The following GPC6 variants were observed in gnomAD, a reference collection of about 807,000 sequenced individuals.
GPC6 encodes the protein glypican-6.
In GPC6, 14 loss-of-function variants were observed where a neutral mutation model predicts 55.2. The ratio of observed to expected loss-of-function variants is 0.25; its 90% confidence interval spans 0.17 to 0.40. The LOEUF (loss-of-function observed/expected upper bound fraction) is 0.40. Among genes scored for constraint, GPC6 ranks in the 10% least tolerant of loss-of-function variants. The pLI is 1.00. For synonymous variants in GPC6, 278 were observed against 259.6 expected, an observed-to-expected ratio of 1.07 and a Z score of -0.68; for missense variants, 641 against 708.5, an observed-to-expected ratio of 0.90 and a Z score of 1.08.
At chr13:93,518,207 C>T (rs190549089) in intron 1 of GPC6, among the ~76,000 whole-genome samples, 31 of 152,028 alleles carry the variant, frequency 2.0e-4, no homozygotes, top group Middle Eastern at 6.8e-3. Flanking sequence ...ATGCTACTTC[C>T]TCTCTGAAAA....
chr13:93,508,442 C>G (rs897854450), intron 1 of GPC6, among the ~76,000 whole-genome samples: 2 of 151,990 alleles, frequency 1.3e-5, no homozygotes, highest in African/African-American at 2.4e-5. Flanking sequence ...CCAAAGGAAA[C>G]AGAAAAGGGA....
intron 1 of GPC6, among the ~76,000 whole-genome samples, chr13:93,355,255 T>C (rs1281594564): frequency 6.6e-6 from 1 of 152,236 alleles, no homozygotes; most frequent in African/African-American, 2.4e-5. Flanking sequence ...AGCCATTTTC[T>C]GCTGACGTGT....
At chr13:93,289,991 C>T (rs1431397298) in intron 1 of GPC6, among the ~76,000 whole-genome samples, 2 of 152,144 alleles carry the variant, frequency 1.3e-5, no homozygotes, top group African/African-American at 2.4e-5. Context: ...TGAACATGCA[C>T]TTAGCAAGAA....
chr13:93,290,474 A>G (rs1275285952), intron 1 of GPC6, among the ~76,000 whole-genome samples: 2 of 152,250 alleles, frequency 1.3e-5, no homozygotes, highest in East Asian at 1.9e-4. Context: ...TTTTATTGTA[A>G]TCAAACAATT....
At chr13:93,725,365 A>G (rs1358882202) in intron 2 of GPC6, among the ~76,000 whole-genome samples, 2 of 152,178 alleles carry the variant, frequency 1.3e-5, no homozygotes, top group East Asian at 3.9e-4. Flanking sequence ...ATTTATCAAG[A>G]ACCAACATAA....
At chr13:94,227,731 C>T (rs1291722683) in intron 4 of GPC6, among the ~76,000 whole-genome samples, 3 of 152,114 alleles carry the variant, frequency 2.0e-5, no homozygotes, top group African/African-American at 7.2e-5. Context: ...GTTTATTTCT[C>T]ACTCAAGCTA....
intron 4 of GPC6, among the ~76,000 whole-genome samples, chr13:94,243,380 C>T (rs12100248): frequency 6.6e-6 from 1 of 152,008 alleles, no homozygotes; most frequent in Non-Finnish European, 1.5e-5. Flanking sequence ...TACTGTAACA[C>T]TTCAAAATCA....
At chr13:93,266,909 C>G (rs1373412329) in intron 1 of GPC6, among the ~76,000 whole-genome samples, 1 of 151,906 alleles carries the variant, frequency 6.6e-6, no homozygotes, top group Non-Finnish European at 1.5e-5. Context: ...TCAAGAGGCA[C>G]AAAGAAATGA....
At chr13:94,372,120 C>G (rs1040849168) in intron 6 of GPC6, among the ~76,000 whole-genome samples, 3 of 151,516 alleles carry the variant, frequency 2.0e-5, no homozygotes, top group South Asian at 2.1e-4. Context: ...TTCTTGCTTG[C>G]TTACTTTCTT....
At chr13:93,874,583 T>TA (rs1410286391) in intron 3 of GPC6, among the ~76,000 whole-genome samples, 1 of 149,668 alleles carries the variant, frequency 6.7e-6, no homozygotes, top group Non-Finnish European at 1.5e-5. Flanking sequence ...CCACACTTCT[T>TA]ACCAGGGCAT....
intron 1 of GPC6, among the ~76,000 whole-genome samples, chr13:93,399,547 G>A (rs980504672): frequency 7.9e-5 from 12 of 152,178 alleles, no homozygotes; most frequent in South Asian, 2.1e-4. Flanking sequence ...ACGCATACAC[G>A]AGATGCTGAA....
chr13:94,062,500 C>T (rs1029693458), intron 4 of GPC6, among the ~76,000 whole-genome samples: 2 of 152,164 alleles, frequency 1.3e-5, no homozygotes, highest in African/African-American at 4.8e-5. Context: ...ATCCACCCGC[C>T]TCGACCTCCC....
intron 4 of GPC6, among the ~76,000 whole-genome samples, chr13:94,083,994 A>G (rs1378179174): frequency 1.3e-5 from 2 of 152,210 alleles, no homozygotes; most frequent in Admixed American, 6.5e-5. Context: ...CATTTTATCC[A>G]AACGAAAATG....
chr13:93,378,483 C>G (rs1184010448), intron 1 of GPC6, among the ~76,000 whole-genome samples: 1 of 152,098 alleles, frequency 6.6e-6, no homozygotes. Context: ...GTTAATTGCT[C>G]CCTATTTTGT....
At chr13:93,309,864 C>G (rs1879005814) in intron 1 of GPC6, among the ~76,000 whole-genome samples, 1 of 152,108 alleles carries the variant, frequency 6.6e-6, no homozygotes, top group African/African-American at 2.4e-5. Context: ...TGGGACAGTT[C>G]TGGTTGATAC....
chr13:93,667,001 T>C (rs145922093), intron 2 of GPC6, among the ~76,000 whole-genome samples: 98 of 152,262 alleles, frequency 6.4e-4, no homozygotes, highest in African/African-American at 2.3e-3. Context: ...AATAACTTTT[T>C]TTTTGGAACA....
In GPC6 at chr13:93,498,426, G is replaced by C. The variant is rs61098369; in HGVS notation, c.161-46837G>C. Reference sequence around the variant, plus strand: ...AGGATGGCATTTAAAACATCTTATTGTCTGACCTGGTTTGGCTGTGTCCCC... The same window carrying C: ...AGGATGGCATTTAAAACATCTTATTCTCTGACCTGGTTTGGCTGTGTCCCC... On this transcript the variant is annotated intron_variant, in intron 1 of 8. Transcript: ENST00000377047. Among the ~76,000 whole-genome samples the C allele has an allele frequency of 4.8e-3, 734 of 152,222 alleles. 9 individuals are homozygous for C. Among genetic ancestry groups the C allele is most frequent in the African/African-American group, 0.017 (717 of 41,530 alleles).
chr13:93,318,033 G>T (rs1174122212), intron 1 of GPC6, among the ~76,000 whole-genome samples: 1 of 152,178 alleles, frequency 6.6e-6, no homozygotes, highest in Non-Finnish European at 1.5e-5. Context: ...CTCATGTTAT[G>T]TGACATTGTC....
At chr13:93,548,134 G>A (rs1176282512) in intron 2 of GPC6, among the ~76,000 whole-genome samples, 1 of 152,138 alleles carries the variant, frequency 6.6e-6, no homozygotes, top group Non-Finnish European at 1.5e-5. Context: ...AAGACTTTGA[G>A]TTTATTTTTA....
Sources: allele counts gnomAD v4.1 joint callset (sites outside exome capture counted in the v4.1 genomes callset), GRCh38; gene constraint gnomAD v4.1.1; transcripts MANE v1.5; gene names NCBI Gene and HGNC (gene_info 2026-07-23, HGNC 2026-07-21).